Variants in KMT2E observed in about 807,000 individuals in gnomAD.
The protein encoded by KMT2E is histone reader KMT2E.
A neutral mutation model predicts 184.6 loss-of-function variants in KMT2E; 30 were observed. The observed-to-expected ratio is 0.16, with a 90% CI of 0.12 to 0.22. KMT2E has a LOEUF of 0.22. Among genes scored for constraint, KMT2E ranks in the 10% least tolerant of loss-of-function variants. The pLI is 1.00. For synonymous variants in KMT2E, 815 were observed against 776.5 expected, an observed-to-expected ratio of 1.05 and a Z score of -0.82; for missense variants, 2,023 against 2,237.4, an observed-to-expected ratio of 0.90 and a Z score of 1.93.
At chr7:105,017,234 G>A (rs1313415059) in intron 1 of KMT2E, among the ~76,000 whole-genome samples, 1 of 152,124 alleles carries the variant, frequency 6.6e-6, no homozygotes, top group Non-Finnish European at 1.5e-5. Context: ...TGTGCCCGAT[G>A]GTTTTCTTCA....
intron 1 of KMT2E, among the ~76,000 whole-genome samples, chr7:105,015,969 A>G (rs1267811209): frequency 6.6e-6 from 1 of 152,050 alleles, no homozygotes; most frequent in African/African-American, 2.4e-5. Flanking sequence ...GCGCTTCAAC[A>G]TTAAAAAAAA....
At chr7:105,098,930 A>G (rs1798536662) in intron 15 of KMT2E, among the ~76,000 whole-genome samples, 1 of 152,102 alleles carries the variant, frequency 6.6e-6, no homozygotes, top group South Asian at 2.1e-4. Context: ...AGGAATCCTA[A>G]TTTCTCTATC....
At chr7:105,021,298 T>G (rs1157673057) in intron 1 of KMT2E, among the ~76,000 whole-genome samples, 1 of 152,230 alleles carries the variant, frequency 6.6e-6, no homozygotes, top group Non-Finnish European at 1.5e-5. Flanking sequence ...ACATCTTACA[T>G]CATTAAGCCT....
chr7:105,024,721 T>C (rs1795102389), intron 1 of KMT2E, among the ~76,000 whole-genome samples: 1 of 152,182 alleles, frequency 6.6e-6, no homozygotes, highest in Non-Finnish European at 1.5e-5. Flanking sequence ...TACATAGTGG[T>C]TAATCAAGGT....
intron 3 of KMT2E, among the ~76,000 whole-genome samples, chr7:105,055,693 T>C (rs1796548654): frequency 6.6e-6 from 1 of 152,186 alleles, no homozygotes; most frequent in African/African-American, 2.4e-5. Flanking sequence ...AAATGTGTCA[T>C]GTTGTTGTTA....
chr7:105,107,865 T>C lies in KMT2E; in HGVS notation c.3408T>C (p.Thr1136=), dbSNP rs998281690. Residue 1136 remains threonine, a synonymous_variant, in exon 22 of 27, where the codon ACT becomes ACC. Coordinates refer to ENST00000311117, the MANE Select transcript of KMT2E (RefSeq NM_182931.3). ...EDGLVSGFGR[T]VNDNLIDGNC... ...GGCTTGTATCTGGTTTCGGACGGAC[T>C]GTTAATGACAATTTGATCGACGGGA... The C allele has an allele frequency of 6.2e-7, 1 of 1,614,156 alleles. No homozygotes were observed. Among genetic ancestry groups the C allele is most frequent in the Non-Finnish European group, 8.5e-7 (1 of 1,180,010 alleles).
intron 13 of KMT2E, among the ~76,000 whole-genome samples, chr7:105,082,315 G>C (rs906500907): frequency 2.6e-5 from 4 of 152,150 alleles, no homozygotes; most frequent in African/African-American, 9.7e-5. Flanking sequence ...ATGCGGGGTT[G>C]GAGCACCAAC....
At chr7:105,089,522 T>G (rs1003905063) in intron 13 of KMT2E, among the ~76,000 whole-genome samples, 7 of 152,136 alleles carry the variant, frequency 4.6e-5, no homozygotes, top group African/African-American at 1.2e-4. Context: ...ATGCCACAAG[T>G]AGAAAATTCT....
chr7:105,059,978 G>GTTTTTTT (rs67291226), intron 3 of KMT2E, among the ~76,000 whole-genome samples: 569 of 51,760 alleles, frequency 0.011, 119 homozygotes, highest in Non-Finnish European at 0.017. Context: ...TCTTGTTGTT[G>GTTTTTTT]TTTTTTTTTT....
intron 12 of KMT2E, among the ~76,000 whole-genome samples, chr7:105,079,526 T>TC (rs1476760372): frequency 7.8e-6 from 1 of 128,418 alleles, no homozygotes; most frequent in African/African-American, 3.0e-5. Context: ...TTTTTTTTTT[T>TC]TTTTTTTTTT....
intron 1 of KMT2E, among the ~76,000 whole-genome samples, chr7:105,037,186 C>T (rs1795695538): frequency 6.6e-6 from 1 of 152,056 alleles, no homozygotes; most frequent in Admixed American, 6.6e-5. Flanking sequence ...ATTTATTGAG[C>T]ACTGTGCCAG....
rs1222158778 is a variant in KMT2E at position 105,113,721 on chromosome 7, G to C, written c.*388G>C. On this transcript the variant is annotated 3_prime_UTR_variant, in exon 27 of 27. Transcript: ENST00000311117. ...TTTTTTTTCTTTCCTGTCAGCAGCA[G>C]TTCTGTGAATGCATCTTAGGTATAA... 6.1e-6 allele frequency: 1 copy of C among 165,004 alleles called. No individual in the cohort carries two copies. Among genetic ancestry groups the C allele is most frequent in the African/African-American group, 2.4e-5 (1 of 41,626 alleles). The allele number at this position is 165,004 out of a possible 1,614,324, so 10.2% of individuals were successfully genotyped here.
At chr7:105,109,850 T>A (rs1799112659) in intron 23 of KMT2E, among the ~76,000 whole-genome samples, 1 of 151,362 alleles carries the variant, frequency 6.6e-6, no homozygotes, top group Admixed American at 6.6e-5. Flanking sequence ...TAACTTTTTT[T>A]TTTTTTTTTT....
chr7:105,054,879 C>T (rs1796513076), intron 3 of KMT2E, among the ~76,000 whole-genome samples: 1 of 152,118 alleles, frequency 6.6e-6, no homozygotes, highest in Non-Finnish European at 1.5e-5. Flanking sequence ...ACTCTGGATG[C>T]CATGCAGTCA....
At chr7:105,055,890 A>G (rs865841792) in intron 3 of KMT2E, among the ~76,000 whole-genome samples, 31 of 151,696 alleles carry the variant, frequency 2.0e-4, no homozygotes, top group African/African-American at 7.0e-4. Context: ...TTTGCCTGTT[A>G]GTTTCTTAAG....
chr7:105,062,865 T>G (rs1584746051), intron 4 of KMT2E, among the ~76,000 whole-genome samples: 1 of 152,000 alleles, frequency 6.6e-6, no homozygotes. Context: ...GGTAGAATTA[T>G]GAGATACTTA....
At chr7:105,108,004 TGTATTATGTAAGG>T in intron 22 of KMT2E, 79 bp downstream of exon 22, 1 of 982,890 alleles carries the variant, frequency 1.0e-6, no homozygotes, top group Non-Finnish European at 1.4e-6. Flanking sequence ...AATTGTTAGA[TGTATTATGTAAGG>T]CATTCTTAAT....
chr7:105,024,010 C>A (rs969509707), intron 1 of KMT2E, among the ~76,000 whole-genome samples: 1 of 152,052 alleles, frequency 6.6e-6, no homozygotes, highest in Non-Finnish European at 1.5e-5. Flanking sequence ...CTTAGACTTT[C>A]ATTACATTAT....
intron 22 of KMT2E, chr7:105,108,660 T>C: frequency 2.3e-6 from 1 of 443,510 alleles, no homozygotes; most frequent in Non-Finnish European, 4.3e-6. Context: ...TGACCTTGAG[T>C]GAGTGAGTTA....
Sources: allele counts gnomAD v4.1 joint callset (sites outside exome capture counted in the v4.1 genomes callset), GRCh38; gene constraint gnomAD v4.1.1; transcripts MANE v1.5; gene names NCBI Gene and HGNC (gene_info 2026-07-23, HGNC 2026-07-21).